Variants in TASOR2 observed in about 807,000 individuals in gnomAD.
TASOR2 encodes protein TASOR 2.
TASOR2 carries 84 observed loss-of-function variants against 199.5 expected under a neutral mutation model. That is an observed-to-expected ratio of 0.42 (90% CI 0.35 to 0.50). The LOEUF (loss-of-function observed/expected upper bound fraction) is 0.50, where lower values mean the gene tolerates loss of function less well. Ranked by LOEUF, TASOR2 falls within the 20% of genes least tolerant of loss-of-function variation. The probability of loss-of-function intolerance (pLI) is 0.02; values close to 1 mark genes in which losing one functional copy is unlikely to be tolerated. For synonymous variants in TASOR2, 1,103 were observed against 1,046.6 expected (o/e 1.05, Z -1.04); for missense variants, 2,796 against 2,835.9 (o/e 0.99, Z 0.32).
chr10:5,695,238 G>A (rs1468316809), intron 1 of TASOR2, among the ~76,000 whole-genome samples: 2 of 152,098 alleles, frequency 1.3e-5, no homozygotes, highest in Non-Finnish European at 2.9e-5. Flanking sequence ...AACAGATATG[G>A]TTCCTGCCGT....
exon 12 of TASOR2, chr10:5,735,304 G>T (rs755525978): frequency 1.9e-6 from 3 of 1,613,156 alleles, no homozygotes; most frequent in Non-Finnish European, 2.5e-6. Flanking sequence ...TCTACATAAG[G>T]TGCGGAAGTG....
rs1426809287 is a variant in TASOR2, at chr10:5,732,228, C to CT, written c.1204+1026dup. Among the ~76,000 whole-genome samples, 178 of 152,348 alleles carry CT rather than the reference C, an allele frequency of 1.2e-3. 4 individuals carry two copies. The highest frequency in any genetic ancestry group is 5.4e-4 in the Non-Finnish European group (37 of 68,036). On this transcript the variant is annotated intron_variant, in intron 11 of 20. Transcript: ENST00000328090. ...GAGTCATCTCAAATTGTGTTTTACT[C>CT]TATTTTCTCTAAAAGAGTAGGGAAG...
At chr10:5,686,575 T>C (rs1290597830) in intron 1 of TASOR2, among the ~76,000 whole-genome samples, 1 of 152,262 alleles carries the variant, frequency 6.6e-6, no homozygotes, top group Non-Finnish European at 1.5e-5. Context: ...ATGAGAGTGC[T>C]GGATAACCAT....
rs968184856 is a variant in TASOR2 at position 5,690,849 on chromosome 10, A to T, written c.-288+5674A>T. Among the ~76,000 whole-genome samples the T allele has an allele frequency of 6.6e-6, 1 of 152,218 alleles. No individual in the cohort carries two copies. The highest frequency in any genetic ancestry group is 1.5e-5 in the Non-Finnish European group (1 of 68,044). ...GAACAATGGTCATTACTGTATAGAGATGTTTTAAAAAGTCACCATATAAGC... is the reference window on the plus strand; with the variant it reads ...GAACAATGGTCATTACTGTATAGAGTTGTTTTAAAAAGTCACCATATAAGC... On this transcript the variant is annotated intron_variant, in intron 1 of 20. Coordinates refer to ENST00000328090, the Ensembl canonical transcript of TASOR2. The surrounding 1 kb of genome is among the most constrained non-coding windows in gnomAD (Gnocchi z 4.8).
At chr10:5,726,998 T>C in intron 9 of TASOR2, 41 bp downstream of exon 10, 1 of 1,613,124 alleles carries the variant, frequency 6.2e-7, no homozygotes, top group South Asian at 1.1e-5. Context: ...TTTCATTATG[T>C]TTACTTTTGC....
chr10:5,726,779 A>G (rs1044060928), intron 8 of TASOR2, 106 bp from the exon 10 acceptor site: 9 of 953,208 alleles, frequency 9.4e-6, no homozygotes, highest in South Asian at 5.9e-5. Flanking sequence ...ACATTTGCAG[A>G]ATTTTTTCTT....
chr10:5,714,715 T>C (rs1832389753), intron 2 of TASOR2: 1 of 152,238 alleles, frequency 6.6e-6, no homozygotes, highest in Admixed American at 6.5e-5. Flanking sequence ...TAAACTACTT[T>C]ATAGAGTTGT....
rs1451671384 is a variant in TASOR2 at position 5,730,308 on chromosome 10, G to A, written c.488-179G>A. On this transcript the variant is annotated intron_variant, in intron 10 of 20. Transcript: ENST00000328090. The surrounding 1 kb of genome is among the most constrained non-coding windows in gnomAD (Gnocchi z 4.1). ...GTGTGTATGTAATTTCAAGTATATG[G>A]AGATACATTTGTTAAATGTACCTCT... 6.6e-6 allele frequency among the ~76,000 whole-genome samples: 1 copy of A among 152,108 alleles called. No homozygotes were observed. The highest frequency in any genetic ancestry group is 1.5e-5 in the Non-Finnish European group (1 of 68,014).
rs1224925660 is a variant in TASOR2, at chr10:5,740,970, A to T, written c.2327+473A>T. 6.6e-6 allele frequency among the ~76,000 whole-genome samples: 1 copy of T among 152,232 alleles called. No homozygotes were observed. The highest frequency in any genetic ancestry group is 1.5e-5 in the Non-Finnish European group (1 of 68,038). On this transcript the variant is annotated intron_variant, in intron 13 of 20. Coordinates refer to ENST00000328090, the Ensembl canonical transcript of TASOR2. The surrounding 1 kb of genome is among the most constrained non-coding windows in gnomAD (Gnocchi z 5.3). Reference sequence around the variant, plus strand: ...CCCTTAAGAAGGAATCAAGTCAGTAATAACAGAGTGGTGAACAGCACAGGC... The same window carrying T: ...CCCTTAAGAAGGAATCAAGTCAGTATTAACAGAGTGGTGAACAGCACAGGC...
chr10:5,747,904 C>A, exon 15 of TASOR2: 2 of 1,613,770 alleles, frequency 1.2e-6, no homozygotes, highest in Non-Finnish European at 1.7e-6. Flanking sequence ...TAGACCAACC[C>A]TTCCTGGTAA....
At chr10:5,725,296 C>A (rs1242926222) in intron 8 of TASOR2, among the ~76,000 whole-genome samples, 3 of 146,458 alleles carry the variant, frequency 2.0e-5, no homozygotes, top group Non-Finnish European at 4.5e-5. Flanking sequence ...GAGGCTGAGG[C>A]AGGAGAATGG....
chr10:5,759,363 C>A (rs1839439855), intron 18 of TASOR2, among the ~76,000 whole-genome samples: 1 of 152,232 alleles, frequency 6.6e-6, no homozygotes, highest in Non-Finnish European at 1.5e-5. Flanking sequence ...AGACCATAAT[C>A]TATCCTTAAT....
chr10:5,713,626 A>T (rs1832211546), intron 2 of TASOR2: 1 of 152,376 alleles, frequency 6.6e-6, no homozygotes, highest in African/African-American at 2.4e-5. Flanking sequence ...TTGAAATTTA[A>T]TCGTCTGAAT....
At chr10:5,718,262 G>T (rs1352951174) in intron 3 of TASOR2, among the ~76,000 whole-genome samples, 1 of 151,648 alleles carries the variant, frequency 6.6e-6, no homozygotes, top group Non-Finnish European at 1.5e-5. Flanking sequence ...CAAACAGAAG[G>T]GAAACTGATT....
chr10:5,691,189 CAAA>C (rs369679242), intron 1 of TASOR2, among the ~76,000 whole-genome samples: 3 of 100,200 alleles, frequency 3.0e-5, no homozygotes, highest in Admixed American at 1.0e-4. Context: ...GACTCCGTCT[CAAA>C]AAAAAAAAAA....
At chr10:5,713,714 T>C (rs1462889461) in intron 2 of TASOR2, 2 of 152,708 alleles carry the variant, frequency 1.3e-5, no homozygotes, top group East Asian at 3.8e-4. Context: ...CTTCTAAAGC[T>C]GTAGTTGGAA....
intron 12 of TASOR2, among the ~76,000 whole-genome samples, chr10:5,736,466 C>T (rs1346417523): frequency 2.6e-5 from 4 of 151,806 alleles, no homozygotes; most frequent in African/African-American, 9.7e-5. Flanking sequence ...GTTGCCTAGG[C>T]TGGTCTTGAA....
intron 3 of TASOR2, among the ~76,000 whole-genome samples, chr10:5,718,577 G>A (rs935045486): frequency 1.3e-5 from 2 of 151,774 alleles, no homozygotes; most frequent in African/African-American, 4.8e-5. Context: ...GCGAAACCCT[G>A]TCTCCACTTT....
At chr10:5,733,953 C>T (rs1835205398) in intron 11 of TASOR2, among the ~76,000 whole-genome samples, 1 of 152,092 alleles carries the variant, frequency 6.6e-6, no homozygotes, top group South Asian at 2.1e-4. Flanking sequence ...ATTCTGAAAA[C>T]ATTTTTAAAA....
Sources: gnomAD v4.1 joint callset for allele counts (sites outside exome capture counted in the v4.1 genomes callset) on GRCh38, gnomAD v4.1.1 for gene constraint, Gnocchi (gnomAD v3.1) non-coding constraint, MANE v1.5 for transcripts, NCBI Gene and HGNC (gene_info 2026-07-23, HGNC 2026-07-21) for gene names.